The following MACROD1 variants were observed in gnomAD, a reference collection of about 807,000 sequenced individuals.
MACROD1 encodes the protein ADP-ribose glycohydrolase MACROD1.
In MACROD1, 31 loss-of-function variants were observed where a neutral mutation model predicts 41.4. The observed-to-expected ratio is 0.75, with a 90% CI of 0.56 to 1.01. The LOEUF is 1.01. Ranked by LOEUF, MACROD1 falls within the 50% of genes least tolerant of loss-of-function variation. MACROD1 has a pLI of 0.00. For missense variants in MACROD1, 473 were observed against 460.0 expected (o/e 1.03, Z -0.26); for synonymous variants, 252 against 203.4 (o/e 1.24, Z -2.03).
chr11:64,133,395 T>G (rs974686735), intron 3 of MACROD1, among the ~76,000 whole-genome samples: 6 of 152,162 alleles, frequency 3.9e-5, no homozygotes, highest in Non-Finnish European at 7.4e-5. Context: ...GATCCCAGGC[T>G]GGAGCTCTCC....
chr11:64,073,902 T>C (rs1379292284), intron 3 of MACROD1, among the ~76,000 whole-genome samples: 2 of 152,080 alleles, frequency 1.3e-5, no homozygotes, highest in Non-Finnish European at 2.9e-5. Flanking sequence ...TTAGGGGCTC[T>C]GGGGTTGAAG....
chr11:64,135,988 C>A (rs1945325914), intron 3 of MACROD1, among the ~76,000 whole-genome samples: 1 of 152,254 alleles, frequency 6.6e-6, no homozygotes, highest in African/African-American at 2.4e-5. Context: ...ATGGCCCATG[C>A]TGTGGGCGGC....
intron 3 of MACROD1, among the ~76,000 whole-genome samples, chr11:64,054,057 C>T (rs1943741040): frequency 6.6e-6 from 1 of 152,146 alleles, no homozygotes; most frequent in Non-Finnish European, 1.5e-5. Flanking sequence ...CTGGTGGCAG[C>T]AAGCAGCTGT....
At chr11:64,022,952 C>A (rs1461762302) in intron 3 of MACROD1, among the ~76,000 whole-genome samples, 1 of 149,942 alleles carries the variant, frequency 6.7e-6, no homozygotes, top group Non-Finnish European at 1.5e-5. Context: ...ACCTCTGCCT[C>A]CTGGGTTCAA....
At chr11:64,073,570 C>T (rs148442689) in intron 3 of MACROD1, among the ~76,000 whole-genome samples, 20 of 152,338 alleles carry the variant, frequency 1.3e-4, no homozygotes, top group African/African-American at 4.3e-4. Context: ...AGTTGCCTGC[C>T]GTGCTGAGGC....
intron 3 of MACROD1, among the ~76,000 whole-genome samples, chr11:64,019,837 T>C (rs993935538): frequency 5.3e-5 from 8 of 151,886 alleles, no homozygotes; most frequent in Non-Finnish European, 8.8e-5. Context: ...GGAAGGCTTC[T>C]CGGAGGAGGT....
intron 3 of MACROD1, among the ~76,000 whole-genome samples, chr11:64,085,751 G>A (rs984658757): frequency 6.6e-6 from 1 of 152,186 alleles, no homozygotes; most frequent in Non-Finnish European, 1.5e-5. Flanking sequence ...TCCATTGGGG[G>A]CCTGCTTCTC....
chr11:64,101,466 G>A (rs1944669271), intron 3 of MACROD1, among the ~76,000 whole-genome samples: 1 of 152,034 alleles, frequency 6.6e-6, no homozygotes, highest in African/African-American at 2.4e-5. Flanking sequence ...ACAGCTGACT[G>A]GAGCCTCTGG....
intron 3 of MACROD1, among the ~76,000 whole-genome samples, chr11:64,058,323 C>T (rs894092781): frequency 2.6e-5 from 4 of 152,256 alleles, no homozygotes; most frequent in Non-Finnish European, 4.4e-5. Flanking sequence ...CCATCTCAGC[C>T]CCCATCCGAA....
intron 2 of MACROD1, 133 bp from the exon 3 acceptor site, chr11:64,151,488 G>A: frequency 1.5e-6 from 1 of 653,884 alleles, no homozygotes; most frequent in Non-Finnish European, 2.7e-6. Flanking sequence ...CACGATGACT[G>A]CTGACCCAGT....
intron 3 of MACROD1, among the ~76,000 whole-genome samples, chr11:64,104,599 C>T (rs558943923): frequency 2.0e-5 from 3 of 152,220 alleles, no homozygotes; most frequent in Admixed American, 6.5e-5. Context: ...CTTGCCCTGG[C>T]GCCTGCTGCC....
rs367899497 is a variant in MACROD1 at position 63,998,983 on chromosome 11, C to T, written c.945G>A (p.Arg315=). The change falls in exon 9 of 11, where the codon CGG becomes CGA. Residue 315 remains arginine, a synonymous_variant. Transcript: ENST00000255681. ...CGGGGAAGTAGTGGGGGAGCCGGCT[C>T]CGGTAGATGTCCTCGTCCTTCTCGA... ...VFLEKDEDIY[R]SRLPHYFPVA 2.5e-6 allele frequency: 4 copies of T among 1,608,048 alleles called. No individual in the cohort carries two copies. Among genetic ancestry groups the T allele is most frequent in the East Asian group, 4.5e-5 (2 of 44,698 alleles).
chr11:64,027,891 C>G (rs1943242269), intron 3 of MACROD1, among the ~76,000 whole-genome samples: 1 of 152,242 alleles, frequency 6.6e-6, no homozygotes, highest in Non-Finnish European at 1.5e-5. Flanking sequence ...TGAATTGTCA[C>G]TTTGCTTTTT....
At chr11:64,061,895 T>G (rs1283258670) in intron 3 of MACROD1, among the ~76,000 whole-genome samples, 2 of 124,190 alleles carry the variant, frequency 1.6e-5, no homozygotes, top group East Asian at 2.3e-4. Flanking sequence ...TTTTTTTTTT[T>G]GTAGAGACGG....
At chr11:64,062,460 C>A (rs1325804102) in intron 3 of MACROD1, among the ~76,000 whole-genome samples, 1 of 152,214 alleles carries the variant, frequency 6.6e-6, no homozygotes. Context: ...TCGCCTCACA[C>A]AGGGCTGCAG....
intron 3 of MACROD1, chr11:64,060,592 G>C (rs1477137316): frequency 1.3e-5 from 2 of 152,224 alleles, no homozygotes; most frequent in Non-Finnish European, 2.9e-5. Context: ...TCCCATGCGC[G>C]CACAGCCTGA....
intron 4 of MACROD1, chr11:64,001,491 T>G: frequency 1.4e-6 from 1 of 702,408 alleles, no homozygotes; most frequent in Non-Finnish European, 2.6e-6. Context: ...CTTCATCACC[T>G]CAGTCTCGGC....
At chr11:64,141,618 A>T (rs1945415245) in intron 3 of MACROD1, among the ~76,000 whole-genome samples, 1 of 152,180 alleles carries the variant, frequency 6.6e-6, no homozygotes, top group African/African-American at 2.4e-5. Context: ...AATGGTCCCC[A>T]TTAATTTCAA....
At chr11:64,020,074 G>A (rs1487569343) in intron 3 of MACROD1, among the ~76,000 whole-genome samples, 1 of 152,180 alleles carries the variant, frequency 6.6e-6, no homozygotes, top group Non-Finnish European at 1.5e-5. Flanking sequence ...TTTAAAATCA[G>A]AAGAAAACAA....
Sources: gnomAD v4.1 joint callset for allele counts (sites outside exome capture counted in the v4.1 genomes callset) on GRCh38, gnomAD v4.1.1 for gene constraint, MANE v1.5 for transcripts, NCBI Gene and HGNC (gene_info 2026-07-23, HGNC 2026-07-21) for gene names.